BUD13: variants seen among roughly 807,000 people sequenced by gnomAD.
BUD13 encodes the protein BUD13 homolog.
Under a neutral mutation model 62.5 loss-of-function variants are expected in BUD13, and 47 were observed. The ratio of observed to expected loss-of-function variants is 0.75; its 90% CI spans 0.60 to 0.96. The LOEUF is 0.96. Among genes scored for constraint, BUD13 ranks in the 40% least tolerant of loss-of-function variants. The probability of loss-of-function intolerance (pLI) is 0.00; values close to 1 mark genes in which losing one functional copy is unlikely to be tolerated. For synonymous variants in BUD13, 293 were observed against 280.1 expected, an observed-to-expected ratio of 1.05 and a Z score of -0.46; for missense variants, 821 against 790.9, an observed-to-expected ratio of 1.04 and a Z score of -0.46.
chr11:116,753,943 C>T (rs890250976), intron 9 of BUD13, among the ~76,000 whole-genome samples: 7 of 152,240 alleles, frequency 4.6e-5, no homozygotes, highest in African/African-American at 1.7e-4. Flanking sequence ...TTATAAAACA[C>T]TACCTTATAT....
rs1314159456 is a variant in BUD13, at chr11:116,772,973, C to A, written c.-9G>T. On this transcript the variant is annotated 5_prime_UTR_variant, in exon 1 of 10. Transcript: ENST00000260210. ...GGCGGAGCTGCCGCCATGGCAGCGG[C>A]GGGGGCAGAGAGACGGGTCGGCGCT... The A allele has an allele frequency of 1.3e-6, 2 of 1,532,176 alleles. No individual in the cohort carries two copies. Among genetic ancestry groups the A allele is most frequent in the Non-Finnish European group, 1.8e-6 (2 of 1,134,318 alleles). The allele number at this position is 1,532,176 out of a possible 1,614,324, so 94.9% of individuals were successfully genotyped here. A position where few individuals can be genotyped will look rare whatever the true frequency, so the allele number is the denominator to read the frequency against.
At position 116,763,125 on chromosome 11, in the gene BUD13, G is replaced by T. The variant is rs752058181; in HGVS notation, c.464C>A (p.Ala155Asp). 6.2e-7 allele frequency: 1 copy of T among 1,604,634 alleles called. No homozygotes were observed. The highest frequency in any genetic ancestry group is 8.5e-7 in the Non-Finnish European group (1 of 1,173,172). Residue 155 changes from alanine (A) to aspartate (D), a missense_variant, in exon 4 of 10, where the codon GCC (alanine) becomes GAC (aspartate). This residue lies in a region of BUD13 where 800 missense variants were observed against 739.2 expected (regional missense o/e 1.08). Transcript: ENST00000260210. The part of the protein sequence containing the change: ...HDTPDPSPRR[A>D]RHDTPDPSPL... ...AGAAGGATCCGGGGTGTCATGACGGGCCCTCCTAGGAGATGGATCCGGGGT... is the reference window on the plus strand; with the variant it reads ...AGAAGGATCCGGGGTGTCATGACGGTCCCTCCTAGGAGATGGATCCGGGGT...
At position 116,748,308 on chromosome 11, in the gene BUD13, G is replaced by C. The variant is rs1166180193; in HGVS notation, c.*174C>G. 3.4e-6 allele frequency: 2 copies of C among 593,598 alleles called. No homozygotes were observed. Among genetic ancestry groups the C allele is most frequent in the Non-Finnish European group, 6.0e-6 (2 of 333,460 alleles). The allele number at this position is 593,598 out of a possible 1,614,324, so 36.8% of individuals were successfully genotyped here. On this transcript the variant is annotated 3_prime_UTR_variant, in exon 10 of 10. Coordinates refer to ENST00000260210, the MANE Select transcript of BUD13 (RefSeq NM_032725.4). ...GGTGCTGTCACACCCAAGAAGTACA[G>C]GTACCTCAGTCCAAACATCAGGTCT...
At chr11:116,769,158 A>G (rs1474130795) in intron 2 of BUD13, among the ~76,000 whole-genome samples, 1 of 152,104 alleles carries the variant, frequency 6.6e-6, no homozygotes, top group Non-Finnish European at 1.5e-5. Flanking sequence ...CAATGGTTTC[A>G]TGAACCACTG....
chr11:116,760,070 AAAAC>A (rs1387391802), intron 5 of BUD13, among the ~76,000 whole-genome samples: 1 of 152,242 alleles, frequency 6.6e-6, no homozygotes, highest in Non-Finnish European at 1.5e-5. Context: ...TCATGAATTT[AAAAC>A]AAACCATTGA....
Position 116,770,118 on chromosome 11 carries a change from A to G in BUD13, c.237+11T>C. The G allele has an allele frequency of 1.9e-6, 3 of 1,599,002 alleles. No individual in the cohort carries two copies. The highest frequency in any genetic ancestry group is 2.6e-6 in the Non-Finnish European group (3 of 1,173,188). ...TCATTTCAAAATCCTGACAGCCCCA[A>G]AGATACATACCACAGGCAAATCTCC... is the stretch of plus-strand genomic sequence containing the variant. On this transcript the variant is annotated intron_variant, in intron 2 of 9. Transcript: ENST00000260210.
chr11:116,757,081 G>A (rs1223640118), intron 9 of BUD13, 65 bp downstream of exon 9: 6 of 1,454,454 alleles, frequency 4.1e-6, no homozygotes, highest in Admixed American at 1.7e-5. Context: ...AAAGTGTGGA[G>A]CAACTTACGA....
intron 6 of BUD13, 67 bp from the exon 7 acceptor site, chr11:116,758,474 C>A: frequency 1.3e-6 from 2 of 1,551,154 alleles, no homozygotes; most frequent in South Asian, 1.2e-5. Context: ...GAGATCAAAT[C>A]AACCGCTTGG....
chr11:116,758,309 C>G lies in BUD13; in HGVS notation c.1459G>C (p.Asp487His). The G allele has an allele frequency of 1.2e-6, 2 of 1,614,208 alleles. No individual in the cohort carries two copies. The highest frequency in any genetic ancestry group is 1.7e-6 in the Non-Finnish European group (2 of 1,180,050). Reference sequence around the variant, plus strand: ...GCATACAGCTCATCTCTCTCTGAGTCCTTTTCTGCTTTCCTCCTTTGCTCT... The same window carrying G: ...GCATACAGCTCATCTCTCTCTGAGTGCTTTTCTGCTTTCCTCCTTTGCTCT... ...RLEQRRKAEK[D>H]SERDELYAQW... The change falls in exon 7 of 10, where the codon GAC (aspartate) becomes CAC (histidine). Residue 487 changes from aspartate (D) to histidine (H), a missense_variant. Asp to His is a moderately conservative substitution (Grantham distance 81, BLOSUM62 -1). Around this residue, in one of 2 missense-constraint regions of BUD13, gnomAD observed 800 missense variants for 739.2 expected, o/e 1.08. Transcript: ENST00000260210.
chr11:116,772,043 G>C (rs537558344), intron 1 of BUD13, among the ~76,000 whole-genome samples: 4 of 152,160 alleles, frequency 2.6e-5, no homozygotes, highest in Non-Finnish European at 5.9e-5. Flanking sequence ...AGACATGGTC[G>C]TTTTTCCTTT....
intron 5 of BUD13, among the ~76,000 whole-genome samples, chr11:116,759,636 A>C (rs1391061271): frequency 6.6e-6 from 1 of 152,224 alleles, no homozygotes; most frequent in African/African-American, 2.4e-5. Flanking sequence ...ACTTTTTGCT[A>C]ATTTCCACTT....
At chr11:116,769,651 T>C (rs762118922) in intron 2 of BUD13, among the ~76,000 whole-genome samples, 3 of 152,198 alleles carry the variant, frequency 2.0e-5, no homozygotes, top group Non-Finnish European at 4.4e-5. Flanking sequence ...AGTTGGTGTA[T>C]AGGCATCAGC....
chr11:116,748,581 A>G lies in BUD13; in HGVS notation c.1767-6T>C. 6.2e-7 allele frequency: 1 copy of G among 1,614,008 alleles called. No individual in the cohort carries two copies. On this transcript the variant is annotated splice_region_variant and splice_polypyrimidine_tract_variant and intron_variant, in intron 9 of 9. Transcript: ENST00000260210. ...TCTGTTCAAATCCATTGGATCTGCA[A>G]TCAAAAGAGACATACTATTCAGCTA... is the stretch of plus-strand genomic sequence containing the variant.
chr11:116,770,133 G>T lies in BUD13; in HGVS notation c.233C>A (p.Pro78His), dbSNP rs1384345948. 1.2e-6 allele frequency: 2 copies of T among 1,611,380 alleles called. No individual in the cohort carries two copies. Among genetic ancestry groups the T allele is most frequent in the African/African-American group, 2.7e-5 (2 of 74,518 alleles). ...GACAGCCCCAAAGATACATACCACA[G>T]GCAAATCTCCATCATCTTCCTCTTC... ...KEEEEDDGDL[P>H]VVAEFVDERP... The change falls in exon 2 of 10, where the codon CCT (proline) becomes CAT (histidine). Residue 78 changes from proline (P) to histidine (H), a missense_variant. By Grantham distance (77) the Pro-to-His change is moderately conservative. Transcript: ENST00000260210.
At position 116,763,245 on chromosome 11, in the gene BUD13, GAGGGT is replaced by G; in HGVS notation, c.339_343del (p.Pro114LysfsTer14). 8 of 1,543,144 alleles carry G rather than the reference GAGGGT, an allele frequency of 5.2e-6. No homozygotes were observed. The highest frequency in any genetic ancestry group is 7.0e-6 in the Non-Finnish European group (8 of 1,145,108). On this transcript the variant is annotated frameshift_variant, in exon 4 of 10. Transcript: ENST00000260210. LOFTEE classifies it high-confidence loss of function. ...GGTATCGTGACGAAAATGTCTGTTTGAGGGTAGGTCTTCGTTGTGGCCTAAACACA... is the reference window on the plus strand; with the variant it reads ...GGTATCGTGACGAAAATGTCTGTTTGAGGTCTTCGTTGTGGCCTAAACACA...
intron 2 of BUD13, among the ~76,000 whole-genome samples, chr11:116,767,864 G>A (rs994599937): frequency 6.6e-5 from 10 of 151,564 alleles, no homozygotes; most frequent in African/African-American, 9.7e-5. Flanking sequence ...TACCAGCTAC[G>A]TGCAGGACTA....
intron 9 of BUD13, among the ~76,000 whole-genome samples, chr11:116,756,559 A>G (rs1338719216): frequency 6.6e-6 from 1 of 152,154 alleles, no homozygotes; most frequent in African/African-American, 2.4e-5. Flanking sequence ...AAGTTTAAGA[A>G]TTATTGTGCT....
chr11:116,757,692 A>G (rs1478700609), intron 8 of BUD13, 74 bp downstream of exon 8: 2 of 1,402,810 alleles, frequency 1.4e-6, no homozygotes, highest in Non-Finnish European at 1.9e-6. Context: ...TTCTTTGCAT[A>G]TAGCTATGTA....
rs145389451 is a variant in BUD13, at chr11:116,762,950, T to C, written c.639A>G (p.Ala213=). ...PRRPQHNSSG[A]SPRRVRHDSP... ...AATCATGACGGACTCTCCTAGGAGA[T>C]GCACCTGAAGAATTATGCTGAGGCC... is the stretch of plus-strand genomic sequence containing the variant. Residue 213 remains alanine, a synonymous_variant, in exon 4 of 10, where the codon GCA becomes GCG. Transcript: ENST00000260210. 5,853 of 1,614,010 alleles carry C rather than the reference T, an allele frequency of 3.6e-3. 18 individuals carry two copies. Among genetic ancestry groups the C allele is most frequent in the Non-Finnish European group, 4.3e-3 (5,117 of 1,179,982 alleles).
Sources: gnomAD v4.1 joint callset for allele counts (sites outside exome capture counted in the v4.1 genomes callset) on GRCh38, gnomAD v4.1.1 for gene constraint, gnomAD v4.1.1 regional missense constraint, MANE v1.5 for transcripts, NCBI Gene and HGNC (gene_info 2026-07-23, HGNC 2026-07-21) for gene names.